Variants in GRM5 observed in about 807,000 individuals in gnomAD.
GRM5 encodes the protein metabotropic glutamate receptor 5.
A neutral mutation model predicts 83.1 loss-of-function variants in GRM5; 19 were observed. That is an observed-to-expected ratio of 0.23 (90% confidence interval 0.16 to 0.34). The LOEUF (loss-of-function observed/expected upper bound fraction) is 0.34, where lower values mean the gene tolerates loss of function less well. GRM5 is among the 10% of genes least tolerant of loss of function. The pLI, the probability that GRM5 is intolerant of heterozygous loss-of-function variation, is 1.00. For synonymous variants in GRM5, 675 were observed against 633.6 expected (o/e 1.07, Z -0.98); for missense variants, 1,160 against 1,588.3 (o/e 0.73, Z 4.58).
Position 88,771,534 on chromosome 11 carries a change from G to A in GRM5, c.911+78372C>T, listed in dbSNP as rs555716714. On this transcript the variant is annotated intron_variant, in intron 3 of 9. Transcript: ENST00000305447. ...CATGGGAGAAAGATGAAAGCCAGAA[G>A]ACAGCAAGCAAGCTTCTCCCACCTT... Among the ~76,000 whole-genome samples, 5 of 152,196 alleles carry A rather than the reference G, an allele frequency of 3.3e-5. No homozygotes were observed. In the East Asian group the frequency reaches 9.7e-4, roughly 29 times the overall value.
chr11:89,065,451 A>T (rs185313880), intron 1 of GRM5, among the ~76,000 whole-genome samples: 1 of 150,872 alleles, frequency 6.6e-6, no homozygotes, highest in Non-Finnish European at 1.5e-5. Flanking sequence ...TAAATCCCTC[A>T]CTTATGCAAA....
intron 2 of GRM5, among the ~76,000 whole-genome samples, chr11:88,854,866 G>A (rs1198560311): frequency 6.6e-6 from 1 of 151,864 alleles, no homozygotes; most frequent in African/African-American, 2.4e-5. Flanking sequence ...ATATTAAAAG[G>A]CACCAAATCA....
At chr11:88,821,749 T>G (rs574028494) in intron 3 of GRM5, among the ~76,000 whole-genome samples, 2 of 152,260 alleles carry the variant, frequency 1.3e-5, no homozygotes, top group African/African-American at 4.8e-5. Context: ...AATAAATCAC[T>G]TCAAATTTTG....
At chr11:88,740,412 T>A (rs760501246) in intron 3 of GRM5, among the ~76,000 whole-genome samples, 1 of 152,094 alleles carries the variant, frequency 6.6e-6, no homozygotes, top group Non-Finnish European at 1.5e-5. Context: ...ATTAAATATA[T>A]CTTGGAGCAG....
intron 8 of GRM5, among the ~76,000 whole-genome samples, chr11:88,540,747 T>C (rs1270337823): frequency 2.0e-5 from 3 of 152,098 alleles, no homozygotes; most frequent in Non-Finnish European, 4.4e-5. Context: ...TATTTTTTAT[T>C]TTTATTTTTT....
In GRM5 at chr11:88,609,705, T is replaced by C. The variant is rs374815436; in HGVS notation, c.1148-4741A>G. On this transcript the variant is annotated intron_variant, in intron 4 of 9. Transcript: ENST00000305447. ...GGTTGTCTGTTTACTCTGCTGATAG[T>C]TTCCCTTGCTGTGCAGAAGCCCTTT... Among the ~76,000 whole-genome samples, 19 of 152,350 alleles carry C rather than the reference T, an allele frequency of 1.2e-4. No individual in the cohort carries two copies. The East Asian group carries it at 1.7e-3, about 14-fold the overall frequency.
At chr11:88,963,422 A>G (rs904582047) in intron 2 of GRM5, among the ~76,000 whole-genome samples, 2 of 152,204 alleles carry the variant, frequency 1.3e-5, no homozygotes, top group African/African-American at 2.4e-5. Flanking sequence ...AGTTTTGATC[A>G]CTGAATGTGA....
chr11:88,580,378 A>C (rs1277430429), intron 7 of GRM5, among the ~76,000 whole-genome samples: 1 of 152,218 alleles, frequency 6.6e-6, no homozygotes, highest in East Asian at 1.9e-4. Context: ...AGAAAAGAGG[A>C]TCAACACTGA....
At chr11:88,766,461 A>C (rs1311584053) in intron 3 of GRM5, among the ~76,000 whole-genome samples, 1 of 151,852 alleles carries the variant, frequency 6.6e-6, no homozygotes, top group Non-Finnish European at 1.5e-5. Context: ...TGGGGAATGA[A>C]CTCTATTCAC....
intron 3 of GRM5, among the ~76,000 whole-genome samples, chr11:88,673,181 G>T (rs1172806266): frequency 2.0e-5 from 3 of 151,898 alleles, no homozygotes; most frequent in Non-Finnish European, 4.4e-5. Context: ...TTATTAGGAG[G>T]CCATTTCCAT....
At chr11:88,528,264 A>G (rs1013459184) in intron 8 of GRM5, among the ~76,000 whole-genome samples, 5 of 152,132 alleles carry the variant, frequency 3.3e-5, no homozygotes, top group African/African-American at 7.2e-5. Flanking sequence ...CAGTTTTTGT[A>G]TTCAATGCAA....
intron 3 of GRM5, among the ~76,000 whole-genome samples, chr11:88,743,003 T>G (rs1201992659): frequency 6.6e-6 from 1 of 152,032 alleles, no homozygotes; most frequent in African/African-American, 2.4e-5. Flanking sequence ...CCCCGACAAA[T>G]TCTATCAACT....
chr11:88,809,169 T>C (rs1232716879), intron 3 of GRM5, among the ~76,000 whole-genome samples: 4 of 152,040 alleles, frequency 2.6e-5, no homozygotes, highest in South Asian at 2.1e-4. Context: ...ATATTTCTTA[T>C]AAGGGAGGAA....
At chr11:88,608,154 T>TG (rs1938211417) in intron 4 of GRM5, among the ~76,000 whole-genome samples, 2 of 152,208 alleles carry the variant, frequency 1.3e-5, no homozygotes, top group African/African-American at 4.8e-5. Context: ...AGTCCTAGGC[T>TG]TCTGATGTTT....
At chr11:89,062,595 A>G (rs1051086117) in intron 1 of GRM5, among the ~76,000 whole-genome samples, 8 of 152,236 alleles carry the variant, frequency 5.3e-5, no homozygotes, top group Non-Finnish European at 1.0e-4. Flanking sequence ...TGGTTACTCG[A>G]TGTTAACAGT....
intron 8 of GRM5, among the ~76,000 whole-genome samples, chr11:88,526,667 T>A (rs1166283795): frequency 6.6e-6 from 1 of 152,102 alleles, no homozygotes; most frequent in Non-Finnish European, 1.5e-5. Flanking sequence ...TAGTATAAAA[T>A]AAAATAAAAT....
intron 3 of GRM5, among the ~76,000 whole-genome samples, chr11:88,835,430 G>C (rs1193452909): frequency 6.6e-6 from 1 of 152,214 alleles, no homozygotes; most frequent in Non-Finnish European, 1.5e-5. Context: ...CATTGGTTAT[G>C]ACTTGCATCT....
chr11:88,574,067 TA>T (rs1248632453), intron 7 of GRM5, among the ~76,000 whole-genome samples: 2 of 152,134 alleles, frequency 1.3e-5, no homozygotes, highest in African/African-American at 2.4e-5. Flanking sequence ...TATTTTGTGG[TA>T]GGGGGAGTTT....
At chr11:88,950,726 C>T (rs1938432483) in intron 2 of GRM5, among the ~76,000 whole-genome samples, 1 of 152,122 alleles carries the variant, frequency 6.6e-6, no homozygotes, top group South Asian at 2.1e-4. Context: ...CAAGAAAACG[C>T]TCTCCTTCTG....
Sources: allele counts gnomAD v4.1 joint callset (sites outside exome capture counted in the v4.1 genomes callset), GRCh38; gene constraint gnomAD v4.1.1; transcripts MANE v1.5; gene names NCBI Gene and HGNC (gene_info 2026-07-23, HGNC 2026-07-21).